The following DPP10 variants were observed in gnomAD, a reference collection of about 807,000 sequenced individuals.
DPP10 encodes the protein inactive dipeptidyl peptidase 10.
In DPP10, 33 loss-of-function variants were observed where a neutral mutation model predicts 120.9. The observed-to-expected ratio is 0.27, with a 90% CI of 0.21 to 0.37. The LOEUF (loss-of-function observed/expected upper bound fraction) is 0.37. DPP10 is among the 10% of genes least tolerant of loss of function. The pLI is 1.00. For missense variants in DPP10, 816 were observed against 942.8 expected, an observed-to-expected ratio of 0.87 and a Z score of 1.76; for synonymous variants, 337 against 326.1, an observed-to-expected ratio of 1.03 and a Z score of -0.36.
At chr2:115,496,765 C>T (rs772128791) in intron 3 of DPP10, among the ~76,000 whole-genome samples, 9 of 152,020 alleles carry the variant, frequency 5.9e-5, no homozygotes, top group South Asian at 2.1e-4. Flanking sequence ...TTCACTGAGA[C>T]GTTGGTATTG....
chr2:115,740,415 G>A lies in DPP10; in HGVS notation c.852+522G>A, dbSNP rs541676971. ...GAATCTCCAGTCTGAAATAGATTAA[G>A]CATAAAGAATCTCAATAAAGAAAGG... On this transcript the variant is annotated intron_variant, in intron 9 of 25. Transcript: ENST00000410059. Among the ~76,000 whole-genome samples, 3 of 152,078 alleles carry A rather than the reference G, an allele frequency of 2.0e-5. No individual in the cohort carries two copies. The South Asian group carries it at 6.2e-4, about 32-fold the overall frequency.
intron 10 of DPP10, among the ~76,000 whole-genome samples, chr2:115,748,590 T>C (rs1678312089): frequency 1.3e-5 from 2 of 152,100 alleles, no homozygotes; most frequent in South Asian, 4.1e-4. Context: ...CATTTTTTTG[T>C]TGTTTGAATT....
At chr2:114,521,672 A>G (rs1685063144) in intron 1 of DPP10, among the ~76,000 whole-genome samples, 1 of 152,184 alleles carries the variant, frequency 6.6e-6, no homozygotes, top group African/African-American at 2.4e-5. Flanking sequence ...TTTATGTGAA[A>G]CATCTCCTGA....
At chr2:115,548,518 A>G (rs559607558) in intron 5 of DPP10, among the ~76,000 whole-genome samples, 1 of 152,244 alleles carries the variant, frequency 6.6e-6, no homozygotes, top group Admixed American at 6.5e-5. Flanking sequence ...CAGTATAGAA[A>G]GTCAGTGATG....
At chr2:114,641,251 A>G (rs965361652) in intron 1 of DPP10, among the ~76,000 whole-genome samples, 10 of 152,002 alleles carry the variant, frequency 6.6e-5, no homozygotes, top group African/African-American at 2.2e-4. Context: ...TATAGTTACT[A>G]TGTTATCATC....
intron 5 of DPP10, among the ~76,000 whole-genome samples, chr2:115,674,867 A>C (rs1487558242): frequency 6.6e-6 from 1 of 152,178 alleles, no homozygotes; most frequent in African/African-American, 2.4e-5. Flanking sequence ...CATTAGAGTA[A>C]TTGCTCTGTG....
At chr2:114,972,706 G>T (rs1699477013) in intron 1 of DPP10, among the ~76,000 whole-genome samples, 1 of 152,250 alleles carries the variant, frequency 6.6e-6, no homozygotes, top group Non-Finnish European at 1.5e-5. Context: ...GAGAAAGAAG[G>T]TTTCTCTTCA....
intron 1 of DPP10, among the ~76,000 whole-genome samples, chr2:114,843,919 A>G (rs896460712): frequency 6.6e-6 from 1 of 152,162 alleles, no homozygotes; most frequent in Non-Finnish European, 1.5e-5. Context: ...ACCTAATTTC[A>G]CAATGAAACT....
chr2:114,485,102 T>G (rs1681389582), intron 1 of DPP10, among the ~76,000 whole-genome samples: 1 of 152,170 alleles, frequency 6.6e-6, no homozygotes, highest in African/African-American at 2.4e-5. Flanking sequence ...TTGAATGGCC[T>G]TTGTTGATAT....
chr2:114,603,826 A>T (rs1252929951), intron 1 of DPP10, among the ~76,000 whole-genome samples: 3 of 152,064 alleles, frequency 2.0e-5, no homozygotes, highest in Non-Finnish European at 4.4e-5. Flanking sequence ...AAGTGTAAAA[A>T]AGAAGGAGTG....
intron 1 of DPP10, among the ~76,000 whole-genome samples, chr2:114,678,189 CAT>C (rs1178772022): frequency 2.0e-5 from 3 of 152,144 alleles, no homozygotes; most frequent in Non-Finnish European, 4.4e-5. Flanking sequence ...TAAAAACAGA[CAT>C]ATTTCACTGA....
Position 115,465,431 on chromosome 2 carries a change from G to A in DPP10, c.272-34079G>A, listed in dbSNP as rs554531094. ...CTGAAATAAAGTGTACTGTGTCAAA[G>A]TATTACACACAGAATATGAGAATGG... On this transcript the variant is annotated intron_variant, in intron 3 of 25. Transcript: ENST00000410059. Among the ~76,000 whole-genome samples, 11 of 152,294 alleles carry A rather than the reference G, an allele frequency of 7.2e-5. No homozygotes were observed. The East Asian group carries it at 1.7e-3, about 24-fold the overall frequency.
chr2:115,572,651 A>G (rs9308714), intron 5 of DPP10, among the ~76,000 whole-genome samples: 94,720 of 151,980 alleles, frequency 0.62, 30,254 homozygotes, highest in Middle Eastern at 0.76. Flanking sequence ...GATAAGAGTC[A>G]TCATACATAT....
intron 1 of DPP10, among the ~76,000 whole-genome samples, chr2:114,894,895 A>G (rs989213575): frequency 6.6e-6 from 1 of 152,200 alleles, no homozygotes; most frequent in African/African-American, 2.4e-5. Context: ...GCTTATGAGA[A>G]GAAAAAATTA....
chr2:115,499,634 C>A, intron 4 of DPP10, 30 bp downstream of exon 4: 2 of 1,514,132 alleles, frequency 1.3e-6, no homozygotes, highest in Non-Finnish European at 9.1e-7. Context: ...TTACTTTATG[C>A]ATTTCAGTAC....
At chr2:115,579,980 C>T (rs777878867) in intron 5 of DPP10, 5 of 152,126 alleles carry the variant, frequency 3.3e-5, no homozygotes, top group African/African-American at 1.2e-4. Flanking sequence ...TCCCCCACTC[C>T]ACCCCCTGGC....
intron 5 of DPP10, among the ~76,000 whole-genome samples, chr2:115,578,373 T>TAC (rs1200852179): frequency 6.6e-6 from 1 of 151,990 alleles, no homozygotes. Flanking sequence ...CGTGTACACA[T>TAC]ACACACACAC....
At chr2:114,619,381 A>ATGTGTGTGTG (rs71998520) in intron 1 of DPP10, among the ~76,000 whole-genome samples, 112 of 146,368 alleles carry the variant, frequency 7.7e-4, no homozygotes, top group African/African-American at 2.6e-3. Flanking sequence ...ATATATACAT[A>ATGTGTGTGTG]TGTGTGTGTG....
At chr2:114,822,351 C>T (rs1274628284) in intron 1 of DPP10, among the ~76,000 whole-genome samples, 1 of 152,188 alleles carries the variant, frequency 6.6e-6, no homozygotes, top group Non-Finnish European at 1.5e-5. Context: ...AGACACAGGA[C>T]ACCAAGTCCC....
Sources: allele counts gnomAD v4.1 joint callset (sites outside exome capture counted in the v4.1 genomes callset), GRCh38; gene constraint gnomAD v4.1.1; transcripts MANE v1.5; gene names NCBI Gene and HGNC (gene_info 2026-07-23, HGNC 2026-07-21).